Variants in AP2A2 observed in about 807,000 individuals in gnomAD.
AP2A2 encodes adaptor related protein complex 2 subunit alpha 2.
In AP2A2, 32 loss-of-function variants were observed where a neutral mutation model predicts 104.2. That is an observed-to-expected ratio of 0.31 (90% CI 0.23 to 0.41). The LOEUF (loss-of-function observed/expected upper bound fraction) is 0.41. Ranked by LOEUF, AP2A2 falls within the 10% of genes least tolerant of loss-of-function variation. AP2A2 has a pLI of 1.00. For missense variants in AP2A2, 912 were observed against 1,261.0 expected, an observed-to-expected ratio of 0.72 and a Z score of 4.19; for synonymous variants, 539 against 533.3, an observed-to-expected ratio of 1.01 and a Z score of -0.15.
Position 1,009,086 on chromosome 11 carries a change from G to C in AP2A2, c.2421-14G>C. 1 of 1,600,882 alleles carries C rather than the reference G, an allele frequency of 6.2e-7. No individual in the cohort carries two copies. ...TAGCTGACTGTCTCTTTCTGCTGCT[G>C]CTGCTGCTGGCAGGTATGGGGGCAC... On this transcript the variant is annotated splice_polypyrimidine_tract_variant and intron_variant, in intron 18 of 21. Coordinates refer to ENST00000448903, the MANE Select transcript of AP2A2 (RefSeq NM_012305.4).
chr11:943,073 A>G (rs1029189131), intron 1 of AP2A2: 2 of 152,220 alleles, frequency 1.3e-5, no homozygotes, highest in Non-Finnish European at 2.9e-5. Flanking sequence ...CTGCCAAAGG[A>G]AAGCGAGTGA....
intron 1 of AP2A2, among the ~76,000 whole-genome samples, chr11:939,247 C>CAAAAA (rs546835879): frequency 7.8e-5 from 4 of 51,494 alleles, no homozygotes; most frequent in African/African-American, 1.4e-4. Context: ...GACTCTGTCT[C>CAAAAA]AAAAAAAAAA....
At chr11:980,541 G>A (rs1260073227) in intron 5 of AP2A2, among the ~76,000 whole-genome samples, 2 of 149,902 alleles carry the variant, frequency 1.3e-5, no homozygotes, top group East Asian at 2.0e-4. Context: ...GCCCGGTGCC[G>A]TGTCCTGGAG....
chr11:932,372 C>T (rs1037466090), intron 1 of AP2A2, among the ~76,000 whole-genome samples: 2 of 152,194 alleles, frequency 1.3e-5, no homozygotes, highest in African/African-American at 4.8e-5. Flanking sequence ...TATGGAGAAA[C>T]TGAACACTAA....
At position 972,180 on chromosome 11, in the gene AP2A2, A is replaced by C. The variant is rs1197234128; in HGVS notation, c.398A>C (p.His133Pro). The C allele has an allele frequency of 3.5e-5, 57 of 1,612,982 alleles. No homozygotes were observed. Among genetic ancestry groups the C allele is most frequent in the Non-Finnish European group, 4.8e-5 (57 of 1,179,722 alleles). ...RNPTFMGLAL[H>P]CIASVGSREM... ...CCCACCTTCATGGGCCTGGCCCTGCACTGCATCGCCAGCGTGGGCAGCCGG... is the reference window on the plus strand; with the variant it reads ...CCCACCTTCATGGGCCTGGCCCTGCCCTGCATCGCCAGCGTGGGCAGCCGG... The change falls in exon 4 of 22, where the codon CAC (histidine) becomes CCC (proline). Residue 133 changes from histidine (H) to proline (P), a missense_variant. Transcript: ENST00000448903.
At chr11:981,391 C>A in intron 6 of AP2A2, 92 bp downstream of exon 6, 2 of 1,169,562 alleles carry the variant, frequency 1.7e-6, no homozygotes, top group South Asian at 1.4e-5. Context: ...GGTATTTGAT[C>A]AGTTTATAAA....
intron 20 of AP2A2, 95 bp downstream of exon 20, chr11:1,009,492 A>T: frequency 7.3e-7 from 1 of 1,377,832 alleles, no homozygotes; most frequent in Non-Finnish European, 1.0e-6. Flanking sequence ...GCAGCCCATG[A>T]CCCCGCGCCA....
intron 10 of AP2A2, among the ~76,000 whole-genome samples, chr11:990,322 G>T (rs950603805): frequency 6.6e-6 from 1 of 152,192 alleles, no homozygotes. Flanking sequence ...CCAGGCAGGT[G>T]CTCGTTGACT....
At position 993,730 on chromosome 11, in the gene AP2A2, T is replaced by C. The variant is rs1855744797; in HGVS notation, c.1551-24T>C. On this transcript the variant is annotated intron_variant, in intron 12 of 21. Coordinates refer to ENST00000448903, the MANE Select transcript of AP2A2 (RefSeq NM_012305.4). The surrounding 1 kb of genome is among the most constrained non-coding windows in gnomAD (Gnocchi z 8.2). ...GCCTGCGAGGGGACGACGGTGTCCC[T>C]GTGTTGTGCCTCCCCGTCCCCAGCC... 1 of 1,548,386 alleles carries C rather than the reference T, an allele frequency of 6.5e-7. No individual in the cohort carries two copies. Among genetic ancestry groups the C allele is most frequent in the Non-Finnish European group, 8.7e-7 (1 of 1,144,584 alleles).
chr11:947,331 A>G (rs982323976), intron 1 of AP2A2, among the ~76,000 whole-genome samples: 3 of 152,102 alleles, frequency 2.0e-5, no homozygotes, highest in Non-Finnish European at 4.4e-5. Flanking sequence ...TTAAAAGACA[A>G]CTGTACAAAG....
intron 1 of AP2A2, among the ~76,000 whole-genome samples, chr11:957,761 C>T (rs765179843): frequency 2.0e-5 from 3 of 152,230 alleles, no homozygotes; most frequent in Non-Finnish European, 4.4e-5. Context: ...CTCCCTGTAT[C>T]GTAATCCCTC....
In AP2A2 at chr11:974,698, A is replaced by AAAAAAAAG. The variant is rs55897359; in HGVS notation, c.474-2394_474-2393insAAAAGAAA. 2.9e-4 allele frequency among the ~76,000 whole-genome samples: 40 copies of AAAAAAAAG among 137,134 alleles called. 1 individual carries two copies. Among genetic ancestry groups the AAAAAAAAG allele is most frequent in the African/African-American group, 8.6e-4 (32 of 37,268 alleles). The allele number at this position is 137,134 out of a possible 152,430, so 90.0% of individuals were successfully genotyped here. On this transcript the variant is annotated intron_variant, in intron 4 of 21. Coordinates refer to ENST00000448903, the MANE Select transcript of AP2A2 (RefSeq NM_012305.4). ...ACTCTGTCTCAAAAAAAAAAAAAAA[A>AAAAAAAAG]AAAGAAAGCTGGGCATGGTGGCTCA...
At chr11:944,955 A>G (rs904231056) in intron 1 of AP2A2, among the ~76,000 whole-genome samples, 2 of 152,162 alleles carry the variant, frequency 1.3e-5, no homozygotes. Flanking sequence ...GGCTCTTACT[A>G]GAATGCTAAA....
At chr11:984,348 T>C (rs1311394583) in intron 6 of AP2A2, among the ~76,000 whole-genome samples, 1 of 152,070 alleles carries the variant, frequency 6.6e-6, no homozygotes, top group Non-Finnish European at 1.5e-5. Context: ...CTCTCTCTGA[T>C]TTCATTCACG....
intron 14 of AP2A2, among the ~76,000 whole-genome samples, chr11:997,264 G>T (rs1337336765): frequency 6.6e-6 from 1 of 152,250 alleles, no homozygotes; most frequent in Non-Finnish European, 1.5e-5. Flanking sequence ...GGAGGCTGTG[G>T]TGTGCGTGTC....
At chr11:1,010,336 C>G in intron 21 of AP2A2, 1 of 590,820 alleles carries the variant, frequency 1.7e-6, no homozygotes, top group Non-Finnish European at 3.0e-6. Context: ...TTTGCACTCC[C>G]GCCAGCTACG....
chr11:975,421 T>C (rs11246368), intron 4 of AP2A2, among the ~76,000 whole-genome samples: 126 of 35,004 alleles, frequency 3.6e-3, no homozygotes, highest in Non-Finnish European at 4.2e-3. Context: ...CGGTCTCCCT[T>C]GTGTGAGCCG....
intron 1 of AP2A2, among the ~76,000 whole-genome samples, chr11:953,953 A>G (rs10751674): frequency 0.51 from 76,993 of 151,174 alleles, 20,184 homozygotes; most frequent in Middle Eastern, 0.67. Flanking sequence ...TTCTGCCTCA[A>G]CTTCCTGAGT....
intron 1 of AP2A2, among the ~76,000 whole-genome samples, chr11:949,098 G>C (rs1853949544): frequency 6.6e-6 from 1 of 151,784 alleles, no homozygotes; most frequent in Admixed American, 6.6e-5. Flanking sequence ...AGACCAGCCT[G>C]GCCAACATCT....
Sources: allele counts gnomAD v4.1 joint callset (sites outside exome capture counted in the v4.1 genomes callset), GRCh38; gene constraint gnomAD v4.1.1; non-coding constraint Gnocchi (gnomAD v3.1); transcripts MANE v1.5; gene names NCBI Gene and HGNC (gene_info 2026-07-23, HGNC 2026-07-21).